Variants in SVOPL observed in about 807,000 individuals in gnomAD.
SVOPL encodes SVOP like.
A neutral mutation model predicts 61.0 loss-of-function variants in SVOPL; 60 were observed. That is an observed-to-expected ratio of 0.98 (90% CI 0.80 to 1.22). The LOEUF is 1.22. Among genes scored for constraint, SVOPL ranks in the 50% most tolerant of loss-of-function variants. The pLI, the probability that SVOPL is intolerant of heterozygous loss-of-function variation, is 0.00. For missense variants in SVOPL, 662 were observed against 643.9 expected (o/e 1.03, Z -0.30); for synonymous variants, 279 against 250.0 (o/e 1.12, Z -1.09).
chr7:138,660,204 T>A, intron 5 of SVOPL: 1 of 1,307,802 alleles, frequency 7.6e-7, no homozygotes, highest in Non-Finnish European at 9.8e-7. Context: ...CAGACCATTC[T>A]TTAAAACTAC....
In SVOPL at chr7:138,628,195, A is replaced by C; in HGVS notation, c.1032T>G (p.Tyr344Ter). 1 of 1,614,200 alleles carries C rather than the reference A, an allele frequency of 6.2e-7. No individual in the cohort carries two copies. The highest frequency in any genetic ancestry group is 8.5e-7 in the Non-Finnish European group (1 of 1,180,038). Residue 344 changes from tyrosine (Y) to a stop codon, truncating the protein, a stop_gained, in exon 11 of 16, where the codon TAT becomes TAG. Coordinates refer to ENST00000674285, the MANE Select transcript of SVOPL (RefSeq NM_001139456.2). LOFTEE classifies it high-confidence loss of function. Reference sequence around the variant, plus strand: ...CGATGGTGCTGATGATCATGGTCCGATAGTCAGAGGGTGCAAACATGTGGC... The same window carrying C: ...CGATGGTGCTGATGATCATGGTCCGCTAGTCAGAGGGTGCAAACATGTGGC... ...CYCHMFAPSD[Y>*]RTMIISTIGE...
chr7:138,601,944 C>G (rs536422254), intron 14 of SVOPL, among the ~76,000 whole-genome samples: 78 of 152,276 alleles, frequency 5.1e-4, no homozygotes, highest in African/African-American at 1.9e-3. Context: ...CTGTTCATCC[C>G]TTGTCCGTTC....
At chr7:138,622,238 C>G (rs201228215) in intron 13 of SVOPL, among the ~76,000 whole-genome samples, 615 of 57,918 alleles carry the variant, frequency 0.011, 7 homozygotes, top group African/African-American at 0.035. Flanking sequence ...ATCTATGTAT[C>G]TATCTATCTA....
intron 14 of SVOPL, among the ~76,000 whole-genome samples, chr7:138,607,638 C>G (rs1798815672): frequency 6.6e-6 from 1 of 152,106 alleles, no homozygotes. Flanking sequence ...TGGCTGCAGC[C>G]AGCTTGGAGG....
intron 4 of SVOPL, among the ~76,000 whole-genome samples, chr7:138,665,504 G>T (rs1433385219): frequency 6.6e-6 from 1 of 152,042 alleles, no homozygotes; most frequent in African/African-American, 2.4e-5. Flanking sequence ...AGCTGTGATG[G>T]CCTAATGAGG....
chr7:138,654,619 C>A (rs1801619219), intron 7 of SVOPL, among the ~76,000 whole-genome samples: 1 of 151,308 alleles, frequency 6.6e-6, no homozygotes, highest in Non-Finnish European at 1.5e-5. Flanking sequence ...CCTGCCTCAG[C>A]CTCCCGAGTA....
At chr7:138,687,168 G>A (rs984849450) in intron 1 of SVOPL, among the ~76,000 whole-genome samples, 2 of 145,724 alleles carry the variant, frequency 1.4e-5, no homozygotes, top group African/African-American at 2.5e-5. Context: ...TTCAGACATT[G>A]TTGGAACACC....
chr7:138,649,363 G>A (rs979597639), intron 7 of SVOPL, among the ~76,000 whole-genome samples: 12 of 152,044 alleles, frequency 7.9e-5, no homozygotes, highest in Admixed American at 2.0e-4. Flanking sequence ...ATCCAACCTC[G>A]GCTCACTGAA....
intron 7 of SVOPL, among the ~76,000 whole-genome samples, chr7:138,651,749 G>A (rs1801445527): frequency 6.6e-6 from 1 of 152,096 alleles, no homozygotes; most frequent in African/African-American, 2.4e-5. Flanking sequence ...AATAGATGCT[G>A]TGGAGTCTCA....
chr7:138,699,133 C>A (rs1803134787), intron 1 of SVOPL, among the ~76,000 whole-genome samples: 1 of 152,022 alleles, frequency 6.6e-6, no homozygotes, highest in Non-Finnish European at 1.5e-5. Context: ...GCCTAGGTGA[C>A]AGAGTGAAAC....
chr7:138,622,176 G>GTCTATGTATCTATCTA (rs1799667875), intron 13 of SVOPL, among the ~76,000 whole-genome samples: 1 of 54,124 alleles, frequency 1.8e-5, no homozygotes, highest in East Asian at 2.6e-3. Context: ...GTATCTATCT[G>GTCTATGTATCTATCTA]TCTATGTATC....
chr7:138,609,580 G>A (rs1762213877), intron 14 of SVOPL, among the ~76,000 whole-genome samples: 1 of 151,920 alleles, frequency 6.6e-6, no homozygotes, highest in South Asian at 2.1e-4. Flanking sequence ...GATCATGTGA[G>A]CCCAGGAAGT....
intron 9 of SVOPL, among the ~76,000 whole-genome samples, chr7:138,643,547 G>A (rs540465132): frequency 2.8e-4 from 42 of 152,008 alleles, no homozygotes; most frequent in Non-Finnish European, 4.4e-4. Flanking sequence ...AGCAAAACGT[G>A]GCCTATCCAT....
At chr7:138,660,460 A>ATAAC in intron 5 of SVOPL, 1 of 988,190 alleles carries the variant, frequency 1.0e-6, no homozygotes, top group Non-Finnish European at 1.2e-6. Flanking sequence ...CCCAGAGAAG[A>ATAAC]TAACTCTTAA....
chr7:138,699,554 T>C (rs1803144690), intron 1 of SVOPL, among the ~76,000 whole-genome samples: 1 of 152,138 alleles, frequency 6.6e-6, no homozygotes, highest in Non-Finnish European at 1.5e-5. Context: ...TACTGGAAAA[T>C]AAGACCTCAA....
rs79345786 is a variant in SVOPL, at chr7:138,658,571, C to T, written c.470+1293G>A. 3.1e-3 allele frequency among the ~76,000 whole-genome samples: 476 copies of T among 152,266 alleles called. 3 individuals carry two copies. The highest frequency in any genetic ancestry group is 0.01 in the Middle Eastern group (3 of 294). ...AGATTACAGATGCGAGCCACCACCA[C>T]GCCCAGCCTGGGTTGACATTTTGTT... On this transcript the variant is annotated intron_variant, in intron 6 of 15. Coordinates refer to ENST00000674285, the MANE Select transcript of SVOPL (RefSeq NM_001139456.2).
intron 4 of SVOPL, chr7:138,664,107 G>A (rs992739135): frequency 2.1e-5 from 14 of 652,918 alleles, no homozygotes; most frequent in Non-Finnish European, 2.7e-5. Flanking sequence ...CGCTCGCTGG[G>A]GCTCCAGCTC....
At chr7:138,605,577 G>A (rs1435006616) in intron 14 of SVOPL, among the ~76,000 whole-genome samples, 3 of 146,616 alleles carry the variant, frequency 2.0e-5, no homozygotes, top group African/African-American at 5.1e-5. Flanking sequence ...CAGGAGAATC[G>A]CTTGAACCTG....
At position 138,630,135 on chromosome 7, in the gene SVOPL, A is replaced by C. The variant is rs1800107347; in HGVS notation, c.790-13T>G. On this transcript the variant is annotated splice_polypyrimidine_tract_variant and intron_variant, in intron 9 of 15. Coordinates refer to ENST00000674285, the MANE Select transcript of SVOPL (RefSeq NM_001139456.2). ...TTCCTCTTTTTTCCTGGGGTAATGA[A>C]AAGGAGACAGAACATACTCAGCAGC... 1 of 1,605,118 alleles carries C rather than the reference A, an allele frequency of 6.2e-7. No homozygotes were observed. Among genetic ancestry groups the C allele is most frequent in the Non-Finnish European group, 8.5e-7 (1 of 1,171,792 alleles).
Sources: gnomAD v4.1 joint callset for allele counts (sites outside exome capture counted in the v4.1 genomes callset) on GRCh38, gnomAD v4.1.1 for gene constraint, MANE v1.5 for transcripts, NCBI Gene and HGNC (gene_info 2026-07-23, HGNC 2026-07-21) for gene names.